FBN3: variants seen among roughly 807,000 people sequenced by gnomAD.
FBN3 encodes the protein fibrillin-3.
In FBN3, 234 loss-of-function variants were observed where a neutral mutation model predicts 330.1. The observed-to-expected ratio is 0.71, with a 90% CI of 0.64 to 0.79. FBN3 has a LOEUF of 0.79. Among genes scored for constraint, FBN3 ranks in the 30% least tolerant of loss-of-function variants. The pLI is 0.00. For synonymous variants in FBN3, 1,458 were observed against 1,517.3 expected, an observed-to-expected ratio of 0.96 and a Z score of 0.91; for missense variants, 3,606 against 3,886.9, an observed-to-expected ratio of 0.93 and a Z score of 1.92.
At chr19:8,135,936 G>GGGGGGGGGGGGGGGCC in intron 13 of FBN3, 25 bp downstream of exon 13, 57 of 668,730 alleles carry the variant, frequency 8.5e-5, no homozygotes, top group Non-Finnish European at 1.3e-4. Context: ...GGAAGCCCCT[G>GGGGGGGGGGGGGGGCC]CCCACCCGCC....
chr19:8,117,302 C>T lies in FBN3; in HGVS notation c.3464-11G>A. 1 of 1,606,698 alleles carries T rather than the reference C, an allele frequency of 6.2e-7. No individual in the cohort carries two copies. On this transcript the variant is annotated splice_polypyrimidine_tract_variant and intron_variant, in intron 27 of 63. Coordinates refer to ENST00000600128, the MANE Select transcript of FBN3 (RefSeq NM_032447.5). ...GGCATTCGTTGATGTCTGCAGGATG[C>T]AGGGCAGACAGGGGCTGGGGCTGGG...
chr19:8,128,986 A>G (rs1226260961), intron 18 of FBN3, 42 bp downstream of exon 18: 4 of 1,586,444 alleles, frequency 2.5e-6, no homozygotes, highest in Non-Finnish European at 3.4e-6. Flanking sequence ...ATGTTGGAGC[A>G]TATGTGTGTG....
chr19:8,104,165 G>A (rs1260113732), intron 38 of FBN3, among the ~76,000 whole-genome samples: 6 of 121,202 alleles, frequency 5.0e-5, no homozygotes, highest in Non-Finnish European at 8.4e-5. Flanking sequence ...GACATTAAGT[G>A]AAAAAAAAAA....
chr19:8,081,531 G>A, intron 57 of FBN3, 51 bp from the exon 58 acceptor site: 1 of 1,537,416 alleles, frequency 6.5e-7, no homozygotes, highest in South Asian at 1.3e-5. Context: ...GACATTCCCT[G>A]GGGGTGTTCA....
rs771447234 is a variant in FBN3, at chr19:8,085,424, G to A, written c.7026C>T (p.Pro2342=). 2.7e-5 allele frequency: 43 copies of A among 1,578,064 alleles called. No individual in the cohort carries two copies. The highest frequency in any genetic ancestry group is 9.2e-5 in the East Asian group (4 of 43,290). ...WGPRCELCPL[P]GTSAYRKLCP... ...ACAGCTTCCTGTAGGCAGAGGTGCC[G>A]GGCAGGGGACAGAGCTCGCAGCGGG... Residue 2342 remains proline (P), a synonymous_variant, in exon 56 of 64, where the codon CCC becomes CCT. Coordinates refer to ENST00000600128, the MANE Select transcript of FBN3 (RefSeq NM_032447.5).
intron 47 of FBN3, among the ~76,000 whole-genome samples, chr19:8,093,787 A>G (rs2082151275): frequency 7.9e-6 from 1 of 125,856 alleles, no homozygotes; most frequent in Non-Finnish European, 1.7e-5. Flanking sequence ...ACAAACAAAC[A>G]AAACAAAACA....
chr19:8,095,378 C>T lies in FBN3; in HGVS notation c.5782G>A (p.Val1928Met). 1 of 1,613,206 alleles carries T rather than the reference C, an allele frequency of 6.2e-7. No homozygotes were observed. Among genetic ancestry groups the T allele is most frequent in the Non-Finnish European group, 8.5e-7 (1 of 1,179,430 alleles). Reference protein sequence around the residue: ...FELTADGKNCVDTNECLSLAG... With the variant: ...FELTADGKNCMDTNECLSLAG... ...CGAGCACCATAGGCAGACTCACCCA[C>T]ACAGTTCTTCCCATCAGCTGTGAGC... The change falls in exon 46 of 64, where the codon GTG becomes ATG. Residue 1928 changes from valine to methionine, a missense_variant. Physicochemically the swap from Val to Met is conservative, Grantham distance 21. Coordinates refer to ENST00000600128, the MANE Select transcript of FBN3 (RefSeq NM_032447.5).
At position 8,138,279 on chromosome 19, in the gene FBN3, C is replaced by T. The variant is rs777129016; in HGVS notation, c.1063G>A (p.Gly355Ser). ...AGGCCAGGGAAGAGGCCAGGGTGGCCGGGTAGCAGCGGCAGCCGCTGGGCG... is the reference window on the plus strand; with the variant it reads ...AGGCCAGGGAAGAGGCCAGGGTGGCTGGGTAGCAGCGGCAGCCGCTGGGCG... ...LCAQRLPLLP[G>S]HPGLFPGLLG... The change falls in exon 10 of 64, where the codon GGC (glycine) becomes AGC (serine). Residue 355 changes from glycine to serine, a missense_variant. Physicochemically the swap from Gly to Ser is moderately conservative, Grantham distance 56. Transcript: ENST00000600128. 37 of 1,612,574 alleles carry T rather than the reference C, an allele frequency of 2.3e-5. No individual in the cohort carries two copies. Among genetic ancestry groups the T allele is most frequent in the East Asian group, 4.5e-5 (2 of 44,890 alleles).
chr19:8,096,031 G>A lies in FBN3; in HGVS notation c.5589C>T (p.Asn1863=). The A allele has an allele frequency of 6.2e-7, 1 of 1,614,098 alleles. No homozygotes were observed. Among genetic ancestry groups the A allele is most frequent in the Non-Finnish European group, 8.5e-7 (1 of 1,179,988 alleles). The change falls in exon 45 of 64, where the codon AAC becomes AAT. Residue 1863 remains asparagine (N), a synonymous_variant. Transcript: ENST00000600128. This position sits in a 1 kb window ranked among gnomAD's most constrained non-coding sequence, Gnocchi z 4.6. Reference sequence around the variant, plus strand: ...AGAGGCAGTTGTAGGAGCCAATGATGTTCTTGCAGGTCCCATTTCCACAAG... The same window carrying A: ...AGAGGCAGTTGTAGGAGCCAATGATATTCTTGCAGGTCCCATTTCCACAAG... ...RQPCGNGTCK[N]IIGSYNCLCF... is the part of the protein sequence containing the mutation.
In FBN3 at chr19:8,109,252, A is replaced by G. The variant is rs777635109; in HGVS notation, c.4593T>C (p.Cys1531=). ...CSLGRAWGNP[C]ELCPMANTTE... is the part of the protein sequence containing the mutation. ...TGGTGTTGGCCATAGGGCACAGCTC[A>G]CAGGGATTGCCCCAAGCCCGGCCCA... The change falls in exon 36 of 64, where the codon TGT becomes TGC. Residue 1531 remains cysteine, a synonymous_variant. Transcript: ENST00000600128. This position sits in a 1 kb window ranked among gnomAD's most constrained non-coding sequence, Gnocchi z 5.2. 1 of 1,614,134 alleles carries G rather than the reference A, an allele frequency of 6.2e-7. No individual in the cohort carries two copies. Among genetic ancestry groups the G allele is most frequent in the Non-Finnish European group, 8.5e-7 (1 of 1,179,996 alleles).
rs543903973 is a variant in FBN3, at chr19:8,108,582, T to G, written c.4619-344A>C. 2.0e-5 allele frequency among the ~76,000 whole-genome samples: 3 copies of G among 152,102 alleles called. No individual in the cohort carries two copies. The South Asian group carries it at 6.2e-4, about 32-fold the overall frequency. On this transcript the variant is annotated intron_variant, in intron 36 of 63. Transcript: ENST00000600128. ...AACCATATCCTAGTGTAACTGCAAG[T>G]TTTCCCCATGCAAGGAAGACCTTGG...
intron 47 of FBN3, 108 bp from the exon 48 acceptor site, chr19:8,091,698 G>GAC: frequency 6.3e-6 from 8 of 1,262,482 alleles, no homozygotes; most frequent in Non-Finnish European, 8.9e-6. Flanking sequence ...CCAGCCAGGG[G>GAC]CTGCAGTGGG....
intron 28 of FBN3, 119 bp downstream of exon 28, chr19:8,117,023 GGCCAGGACCACAGGCCAGGCAGGGGGT>G: frequency 7.5e-7 from 1 of 1,328,286 alleles, no homozygotes; most frequent in Non-Finnish European, 1.0e-6. Context: ...GCCTGCCTGG[GGCCAGGACCACAGGCCAGGCAGGGGGT>G]GCCTCGGGTC....
rs1160483876 is a variant in FBN3 at position 8,141,776 on chromosome 19, G to A, written c.806C>T (p.Ser269Phe). The change falls in exon 8 of 64, where the codon TCC becomes TTC. Residue 269 changes from serine (S) to phenylalanine (F), a missense_variant. Ser to Phe is a radical substitution (Grantham distance 155). Transcript: ENST00000600128. ...QGGSCVNMVG[S>F]FHCRCPVGHR... The stretch of plus-strand genomic sequence containing the variant: ...TCCAACTGGACAGCGGCAATGGAAG[G>A]AGCCCACCATGTTGACGCAGCTGCC... The A allele has an allele frequency of 1.2e-6, 2 of 1,614,152 alleles. No homozygotes were observed. The highest frequency in any genetic ancestry group is 2.7e-5 in the African/African-American group (2 of 75,052).
intron 38 of FBN3, among the ~76,000 whole-genome samples, 167 bp downstream of exon 38, chr19:8,105,941 C>G (rs1306868786): frequency 6.6e-6 from 1 of 152,170 alleles, no homozygotes; most frequent in African/African-American, 2.4e-5. Context: ...CCATGAACAT[C>G]TTAAAGGCAG....
intron 26 of FBN3, among the ~76,000 whole-genome samples, chr19:8,118,265 T>TACAC (rs138268398): frequency 6.6e-6 from 1 of 151,198 alleles, no homozygotes; most frequent in Non-Finnish European, 1.5e-5. Flanking sequence ...CACATTCTCT[T>TACAC]ACACACACAC....
rs201220854 is a variant in FBN3 at position 8,072,129 on chromosome 19, C to T, written c.8007G>A (p.Ser2669=). The T allele has an allele frequency of 6.5e-5, 104 of 1,609,450 alleles. No individual in the cohort carries two copies. The highest frequency in any genetic ancestry group is 1.1e-4 in the East Asian group (5 of 44,658). The change falls in exon 63 of 64, where the codon TCG becomes TCA. Residue 2669 remains serine (S), a synonymous_variant. Transcript: ENST00000600128. ...TCTTGCATTCGTAGCAGGCTTCAGACGAGAGCAGCTCCTCTTTGTCCGGGG... is the reference window on the plus strand; with the variant it reads ...TCTTGCATTCGTAGCAGGCTTCAGATGAGAGCAGCTCCTCTTTGTCCGGGG... ...QDTPDKEELL[S]SEACYECKIN...
At chr19:8,135,680 C>T (rs947122582) in intron 13 of FBN3, among the ~76,000 whole-genome samples, 4 of 152,090 alleles carry the variant, frequency 2.6e-5, no homozygotes, top group Admixed American at 6.6e-5. Context: ...GCCTCAGCCC[C>T]GCAAAGTGCT....
chr19:8,140,796 G>T (rs2145034315), intron 8 of FBN3, among the ~76,000 whole-genome samples: 1 of 152,110 alleles, frequency 6.6e-6, no homozygotes, highest in African/African-American at 2.4e-5. Context: ...CCAAGGACTG[G>T]TCTTTAGCAG....
Sources: allele counts gnomAD v4.1 joint callset (sites outside exome capture counted in the v4.1 genomes callset), GRCh38; gene constraint gnomAD v4.1.1; non-coding constraint Gnocchi (gnomAD v3.1); transcripts MANE v1.5; gene names NCBI Gene and HGNC (gene_info 2026-07-23, HGNC 2026-07-21).